The following SERINC2 variants were observed in gnomAD, a reference collection of about 807,000 sequenced individuals.
SERINC2 encodes the protein tumor differentially expressed protein 2.
SERINC2 carries 56 observed loss-of-function variants against 54.2 expected under a neutral mutation model. That is an observed-to-expected ratio of 1.03 (90% CI 0.83 to 1.29). SERINC2 has a LOEUF of 1.29. Among genes scored for constraint, SERINC2 ranks in the 50% most tolerant of loss-of-function variants. The pLI is 0.00. For synonymous variants in SERINC2, 272 were observed against 253.1 expected (o/e 1.07, Z -0.71); for missense variants, 614 against 607.4 (o/e 1.01, Z -0.12).
chr1:31,431,822 A>AGGGTGGT (rs1641228853), intron 8 of SERINC2, among the ~76,000 whole-genome samples: 2 of 112,514 alleles, frequency 1.8e-5, no homozygotes, highest in South Asian at 3.0e-4. Flanking sequence ...GACAGGGTGG[A>AGGGTGGT]TAGGGTGGAT....
intron 8 of SERINC2, among the ~76,000 whole-genome samples, chr1:31,431,631 G>A (rs1553134478): frequency 6.6e-6 from 1 of 152,216 alleles, no homozygotes; most frequent in Non-Finnish European, 1.5e-5. Flanking sequence ...CAGGGGCACA[G>A]GTCTGTTCTT....
chr1:31,434,012 T>C (rs1641395229), intron 9 of SERINC2, 52 bp from the exon 10 acceptor site: 1 of 1,594,904 alleles, frequency 6.3e-7, no homozygotes, highest in South Asian at 1.1e-5. Flanking sequence ...GGGGCCAAGA[T>C]GGAAGTCACC....
upstream of SERINC2, chr1:31,413,155 G>A: frequency 1.0e-6 from 1 of 996,856 alleles, no homozygotes; most frequent in Non-Finnish European, 1.2e-6. The surrounding 1 kb of genome is among the most constrained non-coding windows in gnomAD (Gnocchi z 5.0). Flanking sequence ...TCGGTAGGTG[G>A]GGCGGGGCCG....
upstream of SERINC2, among the ~76,000 whole-genome samples, chr1:31,411,516 C>T (rs1328375531): frequency 1.3e-5 from 2 of 151,850 alleles, no homozygotes; most frequent in Non-Finnish European, 2.9e-5. Context: ...GGCATGTGCT[C>T]GGGTTGTTTG....
chr1:31,426,916 T>C, intron 6 of SERINC2, 93 bp downstream of exon 6: 1 of 1,203,216 alleles, frequency 8.3e-7, no homozygotes, highest in Non-Finnish European at 1.2e-6. Context: ...AGGGCTGTCA[T>C]CACAGAGGCA....
chr1:31,423,689 G>T lies in SERINC2; in HGVS notation c.40-4G>T, dbSNP rs782366440. On this transcript the variant is annotated splice_polypyrimidine_tract_variant and splice_region_variant and intron_variant, in intron 1 of 9. Transcript: ENST00000373709. Reference sequence around the variant, plus strand: ...GAGGGAAGAGTGACAGTGCCCTCCCGCAGGCGTCCTGCCTCTGCGGCTCTG... The same window carrying T: ...GAGGGAAGAGTGACAGTGCCCTCCCTCAGGCGTCCTGCCTCTGCGGCTCTG... The T allele has an allele frequency of 4.4e-6, 7 of 1,606,050 alleles. No individual in the cohort carries two copies. Among genetic ancestry groups the T allele is most frequent in the Middle Eastern group, 1.7e-4 (1 of 5,924 alleles).
At position 31,433,145 on chromosome 1, in the gene SERINC2, G is replaced by C; in HGVS notation, c.1192G>C (p.Ala398Pro). The change falls in exon 9 of 10, where the codon GCC becomes CCC. Residue 398 changes from alanine to proline, a missense_variant. Physicochemically the swap from Ala to Pro is conservative, Grantham distance 27. Transcript: ENST00000373709. ...CTTCTTCCACTTCTGCCTGGTGCTG[G>C]CCTCACTGCACGTCATGATGACGCT... Reference protein sequence around the residue: ...YSFFHFCLVLASLHVMMTLTN... With the variant: ...YSFFHFCLVLPSLHVMMTLTN... The C allele has an allele frequency of 6.2e-7, 1 of 1,613,744 alleles. No homozygotes were observed. The highest frequency in any genetic ancestry group is 8.5e-7 in the Non-Finnish European group (1 of 1,180,014).
chr1:31,428,710 T>C (rs1166979988), intron 6 of SERINC2, among the ~76,000 whole-genome samples: 2 of 151,868 alleles, frequency 1.3e-5, no homozygotes, highest in Non-Finnish European at 2.9e-5. Flanking sequence ...CAGGTGGAGA[T>C]GAAGGAATTC....
upstream of SERINC2, chr1:31,410,362 A>G: frequency 6.5e-7 from 1 of 1,548,832 alleles, no homozygotes; most frequent in Non-Finnish European, 8.7e-7. Flanking sequence ...GCTGGGGTAA[A>G]AAAACTTATC....
upstream of SERINC2, chr1:31,413,170 G>T: frequency 1.2e-6 from 1 of 865,196 alleles, no homozygotes; most frequent in South Asian, 7.4e-5. The surrounding 1 kb of genome is among the most constrained non-coding windows in gnomAD (Gnocchi z 5.0). Flanking sequence ...GGGCCGGGGC[G>T]GGGCCGGGGC....
chr1:31,424,611 C>T lies in SERINC2; in HGVS notation c.202-72C>T, dbSNP rs1553133221. 27 of 1,327,082 alleles carry T rather than the reference C, an allele frequency of 2.0e-5. 1 individual carries two copies. The South Asian group carries it at 3.9e-4, about 19-fold the overall frequency. 82.2% of individuals were successfully genotyped at this position (1,327,082 alleles called of 1,614,324 possible). On this transcript the variant is annotated intron_variant, in intron 2 of 9. Coordinates refer to ENST00000373709, the MANE Select transcript of SERINC2 (RefSeq NM_178865.5). ...TGGCCGGCCTTGGGAGACCAGGGCT[C>T]TGGTTTATAAAGGGAGCTGCCAGGG...
rs782662561 is a variant in SERINC2 at position 31,424,777 on chromosome 1, G to A, written c.296G>A (p.Arg99His). ...GSLLGYRAVY[R>H]MCFATAAFFF... ...CTGCTTGGCTACCGCGCTGTCTACC[G>A]CATGTGCTTCGCCACGGCGGCCTTC... is the stretch of plus-strand genomic sequence containing the variant. The change falls in exon 3 of 10, where the codon CGC (arginine) becomes CAC (histidine). Residue 99 changes from arginine (R) to histidine (H), a missense_variant. By Grantham distance (29) the Arg-to-His change is conservative. Transcript: ENST00000373709. The A allele has an allele frequency of 2.4e-5, 38 of 1,612,106 alleles. No individual in the cohort carries two copies. The highest frequency in any genetic ancestry group is 1.8e-4 in the Admixed American group (11 of 59,802).
chr1:31,425,940 TG>T, intron 5 of SERINC2, 27 bp downstream of exon 5: 1 of 1,601,796 alleles, frequency 6.2e-7, no homozygotes. Flanking sequence ...TGCCTCCGTG[TG>T]GGGACTCGAG....
chr1:31,434,528 G>A lies in SERINC2; in HGVS notation c.*329G>A. The stretch of plus-strand genomic sequence containing the variant: ...TCCACGGGAGCGGGGCTGCTGGAGA[G>A]AGCGGGGAACTCCCACCACAGTGGG... On this transcript the variant is annotated 3_prime_UTR_variant, in exon 10 of 10. Coordinates refer to ENST00000373709, the MANE Select transcript of SERINC2 (RefSeq NM_178865.5). The A allele has an allele frequency of 3.1e-6, 1 of 327,148 alleles. No individual in the cohort carries two copies. The highest frequency in any genetic ancestry group is 5.7e-5 in the East Asian group (1 of 17,400). The allele number at this position is 327,148 out of a possible 1,614,324, so 20.3% of individuals were successfully genotyped here.
chr1:31,433,243 T>C (rs1184739536), intron 9 of SERINC2, 58 bp downstream of exon 9: 2 of 1,439,064 alleles, frequency 1.4e-6, no homozygotes, highest in African/African-American at 1.4e-5. Context: ...GGTCCACACA[T>C]CTCTCCTGCG....
At chr1:31,410,409 G>A (rs782733532), upstream of SERINC2, 112 of 1,549,128 alleles carry the variant, frequency 7.2e-5, 1 homozygote, top group South Asian at 1.1e-3. Flanking sequence ...GCTGAGAGAG[G>A]AGGAGTCACC....
upstream of SERINC2, chr1:31,412,973 G>C (rs547560110): frequency 3.3e-4 from 63 of 192,714 alleles, 1 homozygote; most frequent in Admixed American, 1.0e-3. Flanking sequence ...GTCGATTTCC[G>C]AACGCTCACT....
intron 6 of SERINC2, among the ~76,000 whole-genome samples, chr1:31,427,824 C>CTT (rs71035099): frequency 1.7e-4 from 13 of 76,380 alleles, no homozygotes; most frequent in East Asian, 3.7e-4. Context: ...TTCTTTCTTT[C>CTT]TTTTTTTTTT....
chr1:31,427,156 A>G (rs1271171730), intron 6 of SERINC2, among the ~76,000 whole-genome samples: 2 of 151,926 alleles, frequency 1.3e-5, no homozygotes, highest in African/African-American at 4.8e-5. Flanking sequence ...TATTGTAGTT[A>G]TTATTGTTGT....
Sources: gnomAD v4.1 joint callset for allele counts (sites outside exome capture counted in the v4.1 genomes callset) on GRCh38, gnomAD v4.1.1 for gene constraint, Gnocchi (gnomAD v3.1) non-coding constraint, MANE v1.5 for transcripts, NCBI Gene and HGNC (gene_info 2026-07-23, HGNC 2026-07-21) for gene names.